Variants in ZNF618 observed in about 807,000 individuals in gnomAD.
ZNF618 encodes zinc finger protein 618.
A neutral mutation model predicts 103.0 loss-of-function variants in ZNF618; 34 were observed. The observed-to-expected ratio is 0.33, with a 90% CI of 0.25 to 0.44. ZNF618 has a LOEUF of 0.44. ZNF618 is among the 20% of genes least tolerant of loss of function. The pLI, the probability that ZNF618 is intolerant of heterozygous loss-of-function variation, is 1.00. For synonymous variants in ZNF618, 551 were observed against 542.2 expected (o/e 1.02, Z -0.23); for missense variants, 1,059 against 1,295.4 (o/e 0.82, Z 2.80).
Position 114,022,811 on chromosome 9 carries a change from C to T in ZNF618, c.845-5922C>T, listed in dbSNP as rs10121277. On this transcript the variant is annotated intron_variant, in intron 10 of 14. Transcript: ENST00000374126. The stretch of plus-strand genomic sequence containing the variant: ...TTGTCAGTCTTCAATTTATGTAATT[C>T]GAACCTTTGTTATTAGGTACACACA... 7.9e-3 allele frequency among the ~76,000 whole-genome samples: 1,206 copies of T among 151,940 alleles called. 15 individuals are homozygous for T. Among genetic ancestry groups the T allele is most frequent in the African/African-American group, 0.028 (1,151 of 41,458 alleles).
chr9:113,990,007 C>A (rs1393042978), intron 3 of ZNF618, among the ~76,000 whole-genome samples: 5 of 152,262 alleles, frequency 3.3e-5, no homozygotes, highest in Non-Finnish European at 7.3e-5. Flanking sequence ...GCCTCCATAA[C>A]CTGAACCTTC....
chr9:113,920,700 C>T (rs1832563398), intron 1 of ZNF618, among the ~76,000 whole-genome samples: 1 of 152,106 alleles, frequency 6.6e-6, no homozygotes, highest in South Asian at 2.1e-4. Flanking sequence ...CTGTGCGAGG[C>T]CAAGAGTCGC....
intron 3 of ZNF618, among the ~76,000 whole-genome samples, chr9:113,997,814 G>A (rs894109917): frequency 2.6e-4 from 40 of 152,206 alleles, no homozygotes; most frequent in African/African-American, 8.4e-4. Flanking sequence ...TGGGCAGGGA[G>A]CCAGGCGTCG....
chr9:113,951,579 G>A (rs201750081), intron 1 of ZNF618, among the ~76,000 whole-genome samples: 4 of 32,800 alleles, frequency 1.2e-4, no homozygotes, highest in Non-Finnish European at 2.4e-4. Flanking sequence ...GTGTGTATAT[G>A]TGTGTGTGTG....
At position 114,008,370 on chromosome 9, in the gene ZNF618, A is replaced by T; in HGVS notation, c.667A>T (p.Asn223Tyr). The T allele has an allele frequency of 6.2e-7, 1 of 1,613,846 alleles. No homozygotes were observed. The highest frequency in any genetic ancestry group is 1.1e-5 in the South Asian group (1 of 91,068). Reference sequence around the variant, plus strand: ...GTTTAGTGTGGAAGGGGCCCCTGAGAACCGGGCAGGTAAGTCCTTGGTGTC... The same window carrying T: ...GTTTAGTGTGGAAGGGGCCCCTGAGTACCGGGCAGGTAAGTCCTTGGTGTC... ...DVFSVEGAPENRADPFDQGVV... is the reference protein window; with the variant it reads ...DVFSVEGAPEYRADPFDQGVV... The change falls in exon 8 of 15, where the codon AAC becomes TAC. Residue 223 changes from asparagine (N) to tyrosine (Y), a missense_variant. By Grantham distance (143) the Asn-to-Tyr change is moderately radical. Coordinates refer to ENST00000374126, the MANE Select transcript of ZNF618 (RefSeq NM_001318042.2).
At chr9:113,924,584 C>T (rs1328032104) in intron 1 of ZNF618, among the ~76,000 whole-genome samples, 1 of 151,030 alleles carries the variant, frequency 6.6e-6, no homozygotes, top group Non-Finnish European at 1.5e-5. Flanking sequence ...CTTCTGCTTG[C>T]CTTTGGTTTA....
intron 1 of ZNF618, among the ~76,000 whole-genome samples, chr9:113,907,923 G>A (rs568213838): frequency 2.0e-5 from 3 of 152,340 alleles, no homozygotes; most frequent in South Asian, 4.1e-4. Context: ...GTCACTGTGA[G>A]AGCTTGAGTC....
chr9:113,981,047 G>A (rs551850761), intron 2 of ZNF618, among the ~76,000 whole-genome samples: 1 of 152,196 alleles, frequency 6.6e-6, no homozygotes, highest in Admixed American at 6.5e-5. Context: ...TGGTCAGTGG[G>A]CAGAGTCCTG....
At chr9:113,946,560 C>T (rs928691009) in intron 1 of ZNF618, among the ~76,000 whole-genome samples, 3 of 152,080 alleles carry the variant, frequency 2.0e-5, no homozygotes, top group Non-Finnish European at 2.9e-5. Context: ...TGGCAGACAC[C>T]GCACCTAGAG....
chr9:114,032,496 C>T (rs1174554372), intron 11 of ZNF618, 149 bp from the exon 12 acceptor site: 10 of 711,598 alleles, frequency 1.4e-5, no homozygotes, highest in African/African-American at 1.8e-5. Flanking sequence ...TCAGAGGGTC[C>T]TGGGGAGATC....
At chr9:113,934,612 G>A (rs529013297) in intron 1 of ZNF618, among the ~76,000 whole-genome samples, 92 of 152,284 alleles carry the variant, frequency 6.0e-4, no homozygotes, top group East Asian at 5.8e-4. Flanking sequence ...CCCCAAAATG[G>A]GATTGTTGGA....
At chr9:113,899,420 G>A (rs888098079) in intron 1 of ZNF618, among the ~76,000 whole-genome samples, 1 of 152,210 alleles carries the variant, frequency 6.6e-6, no homozygotes, top group East Asian at 1.9e-4. Context: ...TGGGAACTGG[G>A]CTGTATAGCA....
chr9:113,899,773 C>T (rs1587976626), intron 1 of ZNF618, among the ~76,000 whole-genome samples: 1 of 152,212 alleles, frequency 6.6e-6, no homozygotes, highest in South Asian at 2.1e-4. Context: ...ATAATGTCCT[C>T]AAGGTGCATC....
At chr9:113,958,013 A>T (rs185262880) in intron 1 of ZNF618, among the ~76,000 whole-genome samples, 12 of 152,234 alleles carry the variant, frequency 7.9e-5, no homozygotes, top group Non-Finnish European at 4.4e-5. Flanking sequence ...TGTGGAATTC[A>T]GTCACATGAC....
At chr9:113,962,711 T>C (rs1050181212) in intron 1 of ZNF618, among the ~76,000 whole-genome samples, 3 of 152,216 alleles carry the variant, frequency 2.0e-5, no homozygotes, top group African/African-American at 4.8e-5. Context: ...CACCCAATGA[T>C]GCCTACCCAA....
At chr9:113,883,162 A>G (rs1828691914) in intron 1 of ZNF618, among the ~76,000 whole-genome samples, 1 of 152,190 alleles carries the variant, frequency 6.6e-6, no homozygotes, top group Admixed American at 6.5e-5. Context: ...GGGCTTGGCC[A>G]TTTGGTCAAA....
chr9:114,013,901 C>G (rs975994414), intron 9 of ZNF618, among the ~76,000 whole-genome samples: 2 of 152,178 alleles, frequency 1.3e-5, no homozygotes, highest in Admixed American at 6.5e-5. Flanking sequence ...GAGAATTTCT[C>G]CAGCAAGCTA....
At chr9:114,020,270 AT>A (rs757296241) in intron 10 of ZNF618, among the ~76,000 whole-genome samples, 1 of 152,032 alleles carries the variant, frequency 6.6e-6, no homozygotes, top group Admixed American at 6.5e-5. Flanking sequence ...CAGCATTGTT[AT>A]TTTTTAAGAC....
intron 1 of ZNF618, among the ~76,000 whole-genome samples, chr9:113,915,902 T>C (rs1832026124): frequency 6.6e-6 from 1 of 152,236 alleles, no homozygotes; most frequent in Admixed American, 6.5e-5. Flanking sequence ...TGTCCTCTGT[T>C]CCCAGCAAGG....
Sources: gnomAD v4.1 joint callset for allele counts (sites outside exome capture counted in the v4.1 genomes callset) on GRCh38, gnomAD v4.1.1 for gene constraint, MANE v1.5 for transcripts, NCBI Gene and HGNC (gene_info 2026-07-23, HGNC 2026-07-21) for gene names.